Variants in CHEK1 observed in about 807,000 individuals in gnomAD.
CHEK1 encodes checkpoint kinase 1, also known as serine/threonine-protein kinase Chk1.
CHEK1 carries 32 observed loss-of-function variants against 60.2 expected under a neutral mutation model. That is an observed-to-expected ratio of 0.53 (90% confidence interval 0.40 to 0.71). The LOEUF is 0.71. Ranked by LOEUF, CHEK1 falls within the 30% of genes least tolerant of loss-of-function variation. The probability of loss-of-function intolerance (pLI) is 0.00; values close to 1 mark genes in which losing one functional copy is unlikely to be tolerated. For missense variants in CHEK1, 399 were observed against 564.6 expected, an observed-to-expected ratio of 0.71 and a Z score of 2.97; for synonymous variants, 179 against 187.2, an observed-to-expected ratio of 0.96 and a Z score of 0.36.
intron 6 of CHEK1, among the ~76,000 whole-genome samples, chr11:125,634,179 G>C (rs770010734): frequency 6.6e-6 from 1 of 151,922 alleles, no homozygotes; most frequent in Non-Finnish European, 1.5e-5. Flanking sequence ...ATTTTGAGTA[G>C]AGACAGGGTT....
chr11:125,678,071 A>T (rs1942612316), downstream of CHEK1: 2 of 1,614,198 alleles, frequency 1.2e-6, no homozygotes, highest in African/African-American at 2.7e-5. Context: ...CACCTGAAGC[A>T]TGCTCACTCT....
At chr11:125,663,144 A>C (rs2136079701) in intron 13 of CHEK1, among the ~76,000 whole-genome samples, 1 of 152,138 alleles carries the variant, frequency 6.6e-6, no homozygotes, top group African/African-American at 2.4e-5. Context: ...AAAAAAAAAA[A>C]ACAAATATGT....
intron 13 of CHEK1, among the ~76,000 whole-genome samples, chr11:125,675,250 C>G (rs896244735): frequency 3.9e-5 from 6 of 152,308 alleles, no homozygotes; most frequent in African/African-American, 1.2e-4. Flanking sequence ...CCACCTTCTC[C>G]CCATACTTCT....
rs1224314118 is a variant in CHEK1 at position 125,640,535 on chromosome 11, G to A, written c.814+2991G>A. ...CCAGCCTGGGCAACAGCGAGACTCCGTCTCAAAAAAAAAAAAAAAGAAATT... is the reference window on the plus strand; with the variant it reads ...CCAGCCTGGGCAACAGCGAGACTCCATCTCAAAAAAAAAAAAAAAGAAATT... On this transcript the variant is annotated intron_variant, in intron 8 of 12. Transcript: ENST00000438015. Among the ~76,000 whole-genome samples the A allele has an allele frequency of 2.9e-5, 4 of 139,152 alleles. No individual in the cohort carries two copies. The East Asian group carries it at 8.6e-4, about 30-fold the overall frequency. The allele number at this position is 139,152 out of a possible 152,430, so 91.3% of individuals were successfully genotyped here. A position where few individuals can be genotyped will look rare whatever the true frequency, so the allele number is the denominator to read the frequency against.
Position 125,655,644 on chromosome 11 carries a change from C to A in CHEK1, c.*324C>A, listed in dbSNP as rs1377194929. 2.8e-5 allele frequency: 7 copies of A among 246,594 alleles called. No individual in the cohort carries two copies. The highest frequency in any genetic ancestry group is 5.5e-5 in the Non-Finnish European group (7 of 128,110). The allele number at this position is 246,594 out of a possible 1,614,324, so 15.3% of individuals were successfully genotyped here. On this transcript the variant is annotated 3_prime_UTR_variant, in exon 13 of 13. Transcript: ENST00000438015. ...ACATGAGTTTTCCAGCTTTTATACA[C>A]ACGTATCTCATTTTTATCAAAACAT...
intron 8 of CHEK1, chr11:125,643,521 C>T (rs2136025658): frequency 3.7e-6 from 1 of 269,202 alleles, no homozygotes; most frequent in South Asian, 8.3e-5. Context: ...AGATTGTGGT[C>T]TGAGCATACT....
chr11:125,664,844 C>T lies in CHEK1; in HGVS notation c.*27+9497C>T, dbSNP rs192059153. Among the ~76,000 whole-genome samples the T allele has an allele frequency of 2.1e-3, 327 of 152,210 alleles. 1 individual carries two copies. The highest frequency in any genetic ancestry group is 3.3e-3 in the Non-Finnish European group (223 of 67,998). On this transcript the variant is annotated intron_variant, in intron 13 of 13. Coordinates refer to the CHEK1 transcript ENST00000428830. ...GATGTCTTCCACAGAAAAACCTTTG[C>T]CCAGACCCGTGTGTCCTCTTAGTGT... is the stretch of plus-strand genomic sequence containing the variant.
At chr11:125,629,953 G>T (rs999835117) in intron 5 of CHEK1, among the ~76,000 whole-genome samples, 1 of 151,800 alleles carries the variant, frequency 6.6e-6, no homozygotes, top group African/African-American at 2.4e-5. Context: ...TGAACTCCTG[G>T]ACTCAAGCAG....
intron 8 of CHEK1, chr11:125,643,557 C>T (rs1941385020): frequency 4.5e-6 from 2 of 441,738 alleles, no homozygotes; most frequent in Non-Finnish European, 4.0e-6. Flanking sequence ...GTCTACAGAT[C>T]ATACTTAGGT....
intron 8 of CHEK1, among the ~76,000 whole-genome samples, chr11:125,640,467 G>A (rs34500049): frequency 0.16 from 24,339 of 150,826 alleles, 1,979 homozygotes; most frequent in East Asian, 0.2. Context: ...CGTGAACCCC[G>A]GGGGGCGGAG....
chr11:125,659,512 G>A (rs1941975842), downstream of CHEK1, among the ~76,000 whole-genome samples: 1 of 151,480 alleles, frequency 6.6e-6, no homozygotes, highest in Non-Finnish European at 1.5e-5. Context: ...AAATTTTTAT[G>A]TGTACTATTT....
At chr11:125,650,143 ATT>A (rs942640344) in intron 11 of CHEK1, among the ~76,000 whole-genome samples, 1 of 145,954 alleles carries the variant, frequency 6.9e-6, no homozygotes. Flanking sequence ...ATTTCTTCAG[ATT>A]TTTTTTTTTA....
chr11:125,673,208 TTTTC>T (rs201898946), intron 13 of CHEK1, among the ~76,000 whole-genome samples: 1,362 of 101,198 alleles, frequency 0.013, 19 homozygotes, highest in African/African-American at 0.026. Context: ...CTTTCTTTTC[TTTTC>T]TTTTTTTTTT....
intron 5 of CHEK1, among the ~76,000 whole-genome samples, chr11:125,632,331 A>G (rs1261749709): frequency 6.6e-6 from 1 of 152,178 alleles, no homozygotes; most frequent in Admixed American, 6.5e-5. Context: ...TCAAAGAGTG[A>G]ATGTTTCACA....
chr11:125,674,023 C>T lies in CHEK1; in HGVS notation c.*28-1905C>T, dbSNP rs567436927. Reference sequence around the variant, plus strand: ...AAAATACAGAAATTAGCCAGGCAGGCGCTTGTGATCCCAGCTACTCAGGAG... The same window carrying T: ...AAAATACAGAAATTAGCCAGGCAGGTGCTTGTGATCCCAGCTACTCAGGAG... On this transcript the variant is annotated intron_variant, in intron 13 of 13. Coordinates refer to the CHEK1 transcript ENST00000428830. Among the ~76,000 whole-genome samples the T allele has an allele frequency of 4.6e-5, 7 of 152,082 alleles. No homozygotes were observed. In the South Asian group the frequency reaches 1.2e-3, roughly 27 times the overall value.
At chr11:125,628,540 G>C (rs1246344597) in intron 3 of CHEK1, among the ~76,000 whole-genome samples, 1 of 152,120 alleles carries the variant, frequency 6.6e-6, no homozygotes, top group East Asian at 1.9e-4. Context: ...AATATAAAAA[G>C]ATAACTGATA....
At chr11:125,644,769 G>C (rs1167706818) in intron 11 of CHEK1, 126 bp downstream of exon 11, 1 of 1,102,548 alleles carries the variant, frequency 9.1e-7, no homozygotes, top group Admixed American at 2.7e-5. Context: ...AGCTTTTTGG[G>C]AGGCTGGGGT....
intron 13 of CHEK1, among the ~76,000 whole-genome samples, chr11:125,663,805 T>A (rs534567501): frequency 6.6e-6 from 1 of 152,376 alleles, no homozygotes; most frequent in South Asian, 2.1e-4. Context: ...AGTTTTACAT[T>A]TAAGTCTTTA....
At chr11:125,637,016 C>A (rs1941096487) in intron 7 of CHEK1, among the ~76,000 whole-genome samples, 1 of 151,928 alleles carries the variant, frequency 6.6e-6, no homozygotes, top group South Asian at 2.1e-4. Context: ...AATTAAGATA[C>A]CTTAGGATGG....
Sources: allele counts gnomAD v4.1 joint callset (sites outside exome capture counted in the v4.1 genomes callset), GRCh38; gene constraint gnomAD v4.1.1; transcripts MANE v1.5; gene names NCBI Gene and HGNC (gene_info 2026-07-23, HGNC 2026-07-21).